Variants in THSD7A observed in about 807,000 individuals in gnomAD.
The protein encoded by THSD7A is thrombospondin type-1 domain-containing protein 7A.
Under a neutral mutation model 231.3 loss-of-function variants are expected in THSD7A, and 96 were observed. The observed-to-expected ratio is 0.41, with a 90% CI of 0.35 to 0.49. The LOEUF (loss-of-function observed/expected upper bound fraction) is 0.49. THSD7A is among the 20% of genes least tolerant of loss of function. The pLI, the probability that THSD7A is intolerant of heterozygous loss-of-function variation, is 0.05. For missense variants in THSD7A, 2,290 were observed against 2,070.2 expected, an observed-to-expected ratio of 1.11 and a Z score of -2.06; for synonymous variants, 940 against 743.3, an observed-to-expected ratio of 1.26 and a Z score of -4.30.
intron 1 of THSD7A, among the ~76,000 whole-genome samples, chr7:11,771,625 T>C (rs1438638983): frequency 1.3e-5 from 2 of 151,900 alleles, no homozygotes; most frequent in Non-Finnish European, 2.9e-5. Flanking sequence ...TAAATAGTAA[T>C]TGTAAAGTTC....
At chr7:11,512,097 AAAC>A (rs1208972526) in intron 6 of THSD7A, among the ~76,000 whole-genome samples, 1 of 152,216 alleles carries the variant, frequency 6.6e-6, no homozygotes, top group Non-Finnish European at 1.5e-5. Context: ...AGAAAAAATC[AAAC>A]AACCCCATCA....
chr7:11,544,177 A>G (rs768267957), intron 4 of THSD7A, among the ~76,000 whole-genome samples: 16 of 152,066 alleles, frequency 1.1e-4, no homozygotes, highest in Non-Finnish European at 2.1e-4. Flanking sequence ...CCCCGTCTCT[A>G]CTAAAAATAC....
chr7:11,464,196 C>T (rs942056278), intron 9 of THSD7A, among the ~76,000 whole-genome samples: 4 of 151,786 alleles, frequency 2.6e-5, no homozygotes, highest in African/African-American at 9.7e-5. Flanking sequence ...TAATTAGACT[C>T]ACATTTGTTT....
chr7:11,536,779 G>C (rs1370980830), intron 6 of THSD7A, among the ~76,000 whole-genome samples: 4 of 151,990 alleles, frequency 2.6e-5, no homozygotes, highest in Admixed American at 6.5e-5. Flanking sequence ...TGAATATTCT[G>C]AATCAGTCAA....
At chr7:11,527,353 TA>T (rs920280179) in intron 6 of THSD7A, among the ~76,000 whole-genome samples, 2 of 149,988 alleles carry the variant, frequency 1.3e-5, no homozygotes, top group African/African-American at 2.4e-5. Flanking sequence ...TCAGGAAAAA[TA>T]AAAAAAAAGG....
chr7:11,395,855 T>A (rs189157789), intron 23 of THSD7A, among the ~76,000 whole-genome samples: 2 of 152,144 alleles, frequency 1.3e-5, no homozygotes, highest in East Asian at 1.9e-4. Flanking sequence ...AGCACCACAT[T>A]GCATTTTTTC....
Position 11,417,499 on chromosome 7 carries a change from G to A in THSD7A, c.3488C>T (p.Pro1163Leu), listed in dbSNP as rs1272372059. 1 of 1,613,632 alleles carries A rather than the reference G, an allele frequency of 6.2e-7. No individual in the cohort carries two copies. The highest frequency in any genetic ancestry group is 8.5e-7 in the Non-Finnish European group (1 of 1,179,726). Residue 1163 changes from proline to leucine, a missense_variant, in exon 17 of 28, where the codon CCT becomes CTT. Transcript: ENST00000423059. ...LGSRVCKLPC[P>L]EDCVISEWGP... The stretch of plus-strand genomic sequence containing the variant: ...CCATTCAGATATCACACAGTCCTCA[G>A]GGCATGGTAATTTGCACACTCTAGA...
At chr7:11,423,984 G>A (rs1784236583) in intron 16 of THSD7A, among the ~76,000 whole-genome samples, 1 of 152,116 alleles carries the variant, frequency 6.6e-6, no homozygotes, top group South Asian at 2.1e-4. Context: ...TAAGGGGATA[G>A]ACATGAAGAG....
At chr7:11,551,104 G>C (rs989225297) in intron 4 of THSD7A, among the ~76,000 whole-genome samples, 2 of 152,028 alleles carry the variant, frequency 1.3e-5, no homozygotes, top group African/African-American at 2.4e-5. Context: ...AAGGACTCCT[G>C]ATTCAATAAG....
intron 13 of THSD7A, among the ~76,000 whole-genome samples, chr7:11,439,362 G>C (rs1784731917): frequency 6.6e-6 from 1 of 151,896 alleles, no homozygotes; most frequent in African/African-American, 2.4e-5. Context: ...AAATCTATCG[G>C]TGCCATTTTT....
At chr7:11,602,525 T>C (rs964878092) in intron 2 of THSD7A, among the ~76,000 whole-genome samples, 1 of 152,062 alleles carries the variant, frequency 6.6e-6, no homozygotes, top group East Asian at 1.9e-4. Flanking sequence ...CGTATTAGAA[T>C]TTGTCATGTT....
chr7:11,495,825 T>A (rs537529270), intron 6 of THSD7A, among the ~76,000 whole-genome samples: 14 of 152,128 alleles, frequency 9.2e-5, no homozygotes, highest in African/African-American at 3.4e-4. Context: ...TTTGCTTGAG[T>A]TTGGATGGAC....
chr7:11,538,623 C>G (rs867620355), intron 6 of THSD7A, among the ~76,000 whole-genome samples: 4 of 152,166 alleles, frequency 2.6e-5, no homozygotes, highest in Non-Finnish European at 4.4e-5. Flanking sequence ...GTTCAGAGAC[C>G]TGGAATTGTG....
At chr7:11,437,613 C>T (rs781254446) in intron 13 of THSD7A, among the ~76,000 whole-genome samples, 1 of 152,064 alleles carries the variant, frequency 6.6e-6, no homozygotes, top group Non-Finnish European at 1.5e-5. Context: ...TAAATAAATT[C>T]TACCAAATGG....
chr7:11,391,454 G>T (rs954797465), intron 23 of THSD7A, among the ~76,000 whole-genome samples: 1 of 151,622 alleles, frequency 6.6e-6, no homozygotes, highest in African/African-American at 2.4e-5. Context: ...TCCCCAGCTC[G>T]AGCATCTCAG....
At chr7:11,684,477 T>C (rs761129632) in intron 1 of THSD7A, among the ~76,000 whole-genome samples, 16 of 151,742 alleles carry the variant, frequency 1.1e-4, no homozygotes, top group Non-Finnish European at 1.9e-4. Context: ...ATTCTATAAT[T>C]AGAAAGCCCT....
chr7:11,415,442 C>T (rs555427091), intron 17 of THSD7A, among the ~76,000 whole-genome samples: 3 of 152,238 alleles, frequency 2.0e-5, no homozygotes, highest in Admixed American at 2.0e-4. Flanking sequence ...AAGTCTAACT[C>T]CCAAAACTAA....
At position 11,591,986 on chromosome 7, in the gene THSD7A, T is replaced by C. The variant is rs970334838; in HGVS notation, c.1271+1268A>G. Among the ~76,000 whole-genome samples, 3 of 152,324 alleles carry C rather than the reference T, an allele frequency of 2.0e-5. No individual in the cohort carries two copies. The East Asian group carries it at 5.8e-4, about 29-fold the overall frequency. On this transcript the variant is annotated intron_variant, in intron 3 of 27. Coordinates refer to ENST00000423059, the MANE Select transcript of THSD7A (RefSeq NM_015204.3). ...ATGGAGAAAGATACTCAAGGATATA[T>C]GTTTATTTTGTTAATTGTGTTTGAA... is the stretch of plus-strand genomic sequence containing the variant.
At chr7:11,763,027 G>C (rs550460931) in intron 1 of THSD7A, among the ~76,000 whole-genome samples, 2 of 152,112 alleles carry the variant, frequency 1.3e-5, no homozygotes, top group African/African-American at 4.8e-5. Flanking sequence ...TATTTCTAAC[G>C]TATAAACTAA....
Sources: allele counts gnomAD v4.1 joint callset (sites outside exome capture counted in the v4.1 genomes callset), GRCh38; gene constraint gnomAD v4.1.1; transcripts MANE v1.5; gene names NCBI Gene and HGNC (gene_info 2026-07-23, HGNC 2026-07-21).